QTGAL: variants seen among roughly 807,000 people sequenced by gnomAD.
QTGAL encodes the protein queuosine-tRNA galactosyltransferase.
the QTGAL span, among the ~76,000 whole-genome samples, chr17:82,995,581 G>T: frequency 6.6e-6 from 1 of 151,890 alleles, no homozygotes; most frequent in African/African-American, 2.4e-5. Context: ...ACGGGGTTTC[G>T]CTATGTTAAC....
the QTGAL span, among the ~76,000 whole-genome samples, chr17:82,952,711 T>G: frequency 6.6e-6 from 1 of 152,160 alleles, no homozygotes; most frequent in Non-Finnish European, 1.5e-5. Flanking sequence ...CTAATAGACA[T>G]CTACAGAACT....
the QTGAL span, among the ~76,000 whole-genome samples, chr17:83,033,685 A>C: frequency 1.3e-5 from 2 of 151,746 alleles, no homozygotes; most frequent in African/African-American, 4.8e-5. Context: ...GTTAGCCAGG[A>C]TGGTCTCAAT....
the QTGAL span, among the ~76,000 whole-genome samples, chr17:82,992,546 T>C: frequency 6.6e-6 from 1 of 152,186 alleles, no homozygotes; most frequent in Non-Finnish European, 1.5e-5. Flanking sequence ...ACACCAGACC[T>C]GTCCTACAAG....
At chr17:83,005,487 A>C in the QTGAL span, 1 of 670,266 alleles carries the variant, frequency 1.5e-6, no homozygotes, top group Non-Finnish European at 2.7e-6. This position sits in a 1 kb window ranked among gnomAD's most constrained non-coding sequence, Gnocchi z 5.6. Context: ...CCTGGGCTGG[A>C]TTGAGAATAT....
chr17:82,951,829 CA>C, the QTGAL span, among the ~76,000 whole-genome samples: 1 of 151,886 alleles, frequency 6.6e-6, no homozygotes, highest in Non-Finnish European at 1.5e-5. Flanking sequence ...GGGGAGGCGA[CA>C]GCTGCTGTCA....
At chr17:82,999,459 GCA>G in the QTGAL span, among the ~76,000 whole-genome samples, 2 of 152,178 alleles carry the variant, frequency 1.3e-5, no homozygotes, top group African/African-American at 4.8e-5. Flanking sequence ...CTGACCCCCT[GCA>G]CAGTTGAAAA....
chr17:83,023,859 T>C, the QTGAL span, among the ~76,000 whole-genome samples: 1 of 152,184 alleles, frequency 6.6e-6, no homozygotes, highest in Non-Finnish European at 1.5e-5. Context: ...TAACACTCAC[T>C]AGCAGTGGGA....
the QTGAL span, among the ~76,000 whole-genome samples, chr17:82,996,750 C>A: frequency 6.6e-6 from 1 of 152,130 alleles, no homozygotes; most frequent in South Asian, 2.1e-4. Context: ...AATATATCTA[C>A]AGTGAACTCA....
At chr17:82,977,995 A>G in the QTGAL span, among the ~76,000 whole-genome samples, 1 of 151,902 alleles carries the variant, frequency 6.6e-6, no homozygotes, top group Non-Finnish European at 1.5e-5. Flanking sequence ...GGAGGTTCCC[A>G]CAGGTGGTGG....
the QTGAL span, among the ~76,000 whole-genome samples, chr17:83,037,531 T>G: frequency 6.6e-6 from 1 of 152,212 alleles, no homozygotes; most frequent in Non-Finnish European, 1.5e-5. This position sits in a 1 kb window ranked among gnomAD's most constrained non-coding sequence, Gnocchi z 5.2. Context: ...GGCGAGCGCC[T>G]GTTCTGCCCT....
the QTGAL span, among the ~76,000 whole-genome samples, chr17:82,959,005 CTGTGTGGGGGTGTATGGTGTGTGTGTAT>C: frequency 2.7e-3 from 76 of 27,708 alleles, no homozygotes; most frequent in African/African-American, 0.013. Context: ...TGTGTGTATA[CTGTGTGGGGGTGTATGGTGTGTGTGTAT>C]ACTGTGGGGG....
At chr17:83,023,512 T>C in the QTGAL span, among the ~76,000 whole-genome samples, 2 of 152,352 alleles carry the variant, frequency 1.3e-5, no homozygotes, top group African/African-American at 4.8e-5. Context: ...AGGTGGCACG[T>C]GATAAAGAGA....
the QTGAL span, among the ~76,000 whole-genome samples, chr17:83,015,004 G>C: frequency 6.6e-6 from 1 of 151,368 alleles, no homozygotes; most frequent in Non-Finnish European, 1.5e-5. This position sits in a 1 kb window ranked among gnomAD's most constrained non-coding sequence, Gnocchi z 4.4. Flanking sequence ...TGTGGAGGGG[G>C]ACCGTCTGCA....
chr17:82,977,748 AGAG>A, the QTGAL span, among the ~76,000 whole-genome samples: 37 of 152,104 alleles, frequency 2.4e-4, no homozygotes, highest in Non-Finnish European at 4.0e-4. Flanking sequence ...GTGACGCCCG[AGAG>A]GAGAAGCCGG....
chr17:82,953,064 A>G, the QTGAL span, among the ~76,000 whole-genome samples: 1 of 152,236 alleles, frequency 6.6e-6, no homozygotes, highest in Non-Finnish European at 1.5e-5. Context: ...GGAAATTTAT[A>G]GTGCTAAATG....
the QTGAL span, among the ~76,000 whole-genome samples, chr17:83,025,778 A>G: frequency 6.6e-6 from 1 of 152,244 alleles, no homozygotes; most frequent in Non-Finnish European, 1.5e-5. Context: ...GATTCTGAGC[A>G]GGGGTTTCTC....
chr17:82,960,924 C>T, the QTGAL span: 7 of 1,346,688 alleles, frequency 5.2e-6, no homozygotes, highest in Non-Finnish European at 3.9e-6. Context: ...CCGTGTCCCA[C>T]CAGACCCTGG....
At chr17:83,031,763 T>A in the QTGAL span, among the ~76,000 whole-genome samples, 4 of 152,194 alleles carry the variant, frequency 2.6e-5, no homozygotes, top group Non-Finnish European at 1.5e-5. Flanking sequence ...AAGGTGAAGA[T>A]CTGTTTAAAC....
chr17:83,047,252 C>T, the QTGAL span, among the ~76,000 whole-genome samples: 1 of 152,170 alleles, frequency 6.6e-6, no homozygotes, highest in Admixed American at 6.5e-5. Context: ...CTCTGAGCGG[C>T]CTCTTTTATA....
Sources: allele counts gnomAD v4.1 joint callset (sites outside exome capture counted in the v4.1 genomes callset), GRCh38; gene constraint gnomAD v4.1.1; non-coding constraint Gnocchi (gnomAD v3.1); transcripts MANE v1.5; gene names NCBI Gene and HGNC (gene_info 2026-07-23, HGNC 2026-07-21).